WDR1: variants seen among roughly 807,000 people sequenced by gnomAD.
WDR1 encodes the protein WD repeat-containing protein 1.
Under a neutral mutation model 71.9 loss-of-function variants are expected in WDR1, and 21 were observed. The ratio of observed to expected loss-of-function variants is 0.29; its 90% CI spans 0.21 to 0.42. The LOEUF is 0.42. WDR1 is among the 10% of genes least tolerant of loss of function. The probability of loss-of-function intolerance (pLI) is 1.00; values close to 1 mark genes in which losing one functional copy is unlikely to be tolerated. For missense variants in WDR1, 696 were observed against 824.5 expected, an observed-to-expected ratio of 0.84 and a Z score of 1.91; for synonymous variants, 424 against 347.4, an observed-to-expected ratio of 1.22 and a Z score of -2.45.
chr4:10,092,952 T>G (rs1053787651), intron 5 of WDR1: 1 of 802,644 alleles, frequency 1.2e-6, no homozygotes, highest in Admixed American at 2.3e-5. Context: ...CTGTCCTCCC[T>G]TGCAGCCAAC....
chr4:10,085,404 T>C (rs1480515143), intron 8 of WDR1, among the ~76,000 whole-genome samples: 1 of 152,198 alleles, frequency 6.6e-6, no homozygotes, highest in Non-Finnish European at 1.5e-5. Context: ...GCAGCTACTT[T>C]CATCTTTTCC....
intron 9 of WDR1, chr4:10,083,585 C>T (rs1473516712): frequency 2.1e-6 from 1 of 480,714 alleles, no homozygotes; most frequent in Admixed American, 2.2e-5. Flanking sequence ...CCGGACAGTC[C>T]CTTTGGGAGG....
chr4:10,110,106 G>A (rs1482167675), intron 2 of WDR1, among the ~76,000 whole-genome samples: 1 of 152,084 alleles, frequency 6.6e-6, no homozygotes, highest in East Asian at 1.9e-4. Flanking sequence ...GCGGGGGTAG[G>A]GGTGGGATGC....
Position 10,116,779 on chromosome 4 carries a change from C to CG in WDR1, c.-114dup. On this transcript the variant is annotated 5_prime_UTR_variant, in exon 1 of 15. Coordinates refer to ENST00000499869, the MANE Select transcript of WDR1 (RefSeq NM_017491.5). ...GGGGACTGGAGCCGGAAGGCGGCAC[C>CG]GGGCGTGCCGGGAGTGGAGTGGGCG... The CG allele has an allele frequency of 8.4e-7, 1 of 1,193,100 alleles. No homozygotes were observed. Among genetic ancestry groups the CG allele is most frequent in the Non-Finnish European group, 1.1e-6 (1 of 949,868 alleles). The allele number at this position is 1,193,100 out of a possible 1,614,324, so 73.9% of individuals were successfully genotyped here.
chr4:10,116,104 G>C lies in WDR1; in HGVS notation c.138+9C>G, dbSNP rs35782983. 1.2e-6 allele frequency: 2 copies of C among 1,611,468 alleles called. No homozygotes were observed. The highest frequency in any genetic ancestry group is 3.3e-5 in the Admixed American group (2 of 59,706). On this transcript the variant is annotated intron_variant, in intron 2 of 14. Transcript: ENST00000499869. ...GAGCAGAACCGCGCCCGGGGTAGGGGGTACTCACGTCGATGTTCCTTAGGA... is the reference window on the plus strand; with the variant it reads ...GAGCAGAACCGCGCCCGGGGTAGGGCGTACTCACGTCGATGTTCCTTAGGA...
At chr4:10,086,050 C>G (rs2109652244) in intron 8 of WDR1, among the ~76,000 whole-genome samples, 1 of 152,304 alleles carries the variant, frequency 6.6e-6, no homozygotes, top group African/African-American at 2.4e-5. Context: ...GCCCTGCCAA[C>G]AGAAACGGGA....
At chr4:10,093,815 C>G (rs963279672) in intron 5 of WDR1, among the ~76,000 whole-genome samples, 1 of 152,382 alleles carries the variant, frequency 6.6e-6, no homozygotes, top group Admixed American at 6.5e-5. Flanking sequence ...ATGGCCCAGG[C>G]AGCCACCATA....
chr4:10,087,990 G>T, intron 7 of WDR1, 50 bp from the exon 8 acceptor site: 1 of 1,488,932 alleles, frequency 6.7e-7, no homozygotes, highest in Non-Finnish European at 9.0e-7. Flanking sequence ...ACAGACTGGA[G>T]AGAGACCCCA....
rs1764908234 is a variant in WDR1, at chr4:10,079,016, G to A, written c.1285-15C>T. The A allele has an allele frequency of 2.5e-6, 4 of 1,586,392 alleles. No individual in the cohort carries two copies. Among genetic ancestry groups the A allele is most frequent in the African/African-American group, 1.3e-5 (1 of 74,136 alleles). On this transcript the variant is annotated splice_polypyrimidine_tract_variant and intron_variant, in intron 11 of 14. Transcript: ENST00000499869. The stretch of plus-strand genomic sequence containing the variant: ...AGCAGGACAATCTGTGGCACACACA[G>A]GCAGCTGGTCAGGCGGTCCAGCCCT...
intron 11 of WDR1, among the ~76,000 whole-genome samples, chr4:10,080,090 G>C (rs561018430): frequency 1.3e-5 from 2 of 152,290 alleles, no homozygotes; most frequent in African/African-American, 4.8e-5. Flanking sequence ...CACATGAGGA[G>C]GTGCAGAGAC....
At chr4:10,090,549 T>C (rs1439071604) in intron 5 of WDR1, among the ~76,000 whole-genome samples, 2 of 152,210 alleles carry the variant, frequency 1.3e-5, no homozygotes, top group Non-Finnish European at 2.9e-5. Flanking sequence ...AAAGCAACCC[T>C]GGGCTTCCTG....
Position 10,075,404 on chromosome 4 carries a change from C to T in WDR1, c.1795G>A (p.Val599Ile), listed in dbSNP as rs372838574. 3 of 1,613,836 alleles carry T rather than the reference C, an allele frequency of 1.9e-6. No homozygotes were observed. The highest frequency in any genetic ancestry group is 2.5e-6 in the Non-Finnish European group (3 of 1,179,886). The change falls in exon 15 of 15, where the codon GTC (valine) becomes ATC (isoleucine). Residue 599 changes from valine to isoleucine, a missense_variant. Coordinates refer to ENST00000499869, the MANE Select transcript of WDR1 (RefSeq NM_017491.5). ...CAGTAGGTGATTGTCCACTCCTTGACAGAGGCATCATGGGAGGTCGTGACC... is the reference window on the plus strand; with the variant it reads ...CAGTAGGTGATTGTCCACTCCTTGATAGAGGCATCATGGGAGGTCGTGACC... Reference protein sequence around the residue: ...TLVTTSHDASVKEWTITY With the variant: ...TLVTTSHDASIKEWTITY
intron 2 of WDR1, among the ~76,000 whole-genome samples, chr4:10,105,443 T>C (rs1712958786): frequency 6.6e-6 from 1 of 152,222 alleles, no homozygotes; most frequent in South Asian, 2.1e-4. Context: ...GGGATAATCG[T>C]TCGCCAGTGA....
chr4:10,110,034 C>A (rs1430703528), intron 2 of WDR1, among the ~76,000 whole-genome samples: 1 of 147,990 alleles, frequency 6.8e-6, no homozygotes, highest in East Asian at 2.1e-4. Context: ...CAGACCAGCA[C>A]AAAATACACT....
intron 2 of WDR1, among the ~76,000 whole-genome samples, chr4:10,113,904 G>A (rs962515912): frequency 6.6e-6 from 1 of 152,208 alleles, no homozygotes; most frequent in African/African-American, 2.4e-5. Flanking sequence ...CTTGGAGTAT[G>A]TATGTTGAGT....
At chr4:10,105,391 TTA>T (rs1323851807) in intron 2 of WDR1, among the ~76,000 whole-genome samples, 2 of 152,186 alleles carry the variant, frequency 1.3e-5, no homozygotes, top group Non-Finnish European at 1.5e-5. Flanking sequence ...TAACACAGCA[TTA>T]TGTGATATAA....
rs977577125 is a variant in WDR1, at chr4:10,088,914, G to C, written c.559-173C>G. Among the ~76,000 whole-genome samples, 4 of 152,186 alleles carry C rather than the reference G, an allele frequency of 2.6e-5. 1 individual carries two copies. The South Asian group carries it at 8.3e-4, about 32-fold the overall frequency. ...ATCCTGGGCAGTCCCTTAGTGGAGG[G>C]GCAGGAGTCTGCTCCAGCCTGCCTG... On this transcript the variant is annotated intron_variant, in intron 5 of 14. Coordinates refer to ENST00000499869, the MANE Select transcript of WDR1 (RefSeq NM_017491.5).
At chr4:10,087,627 C>T (rs1056359903) in intron 8 of WDR1, 80 bp downstream of exon 8, 27 of 1,375,566 alleles carry the variant, frequency 2.0e-5, no homozygotes, top group South Asian at 1.2e-4. Context: ...GGCTTCCCCT[C>T]GGTTCCCCTT....
At chr4:10,099,171 AG>A in intron 3 of WDR1, 32 bp from the exon 4 acceptor site, 4 of 109,750 alleles carry the variant, frequency 3.6e-5, no homozygotes, top group Non-Finnish European at 7.0e-5. Flanking sequence ...GGAGGGGGGG[AG>A]GCGGTGGTGG....
Sources: gnomAD v4.1 joint callset for allele counts (sites outside exome capture counted in the v4.1 genomes callset) on GRCh38, gnomAD v4.1.1 for gene constraint, MANE v1.5 for transcripts, NCBI Gene and HGNC (gene_info 2026-07-23, HGNC 2026-07-21) for gene names.